Variants in CLSTN1 observed in about 807,000 individuals in gnomAD.
The protein encoded by CLSTN1 is calsyntenin 1.
In CLSTN1, 28 loss-of-function variants were observed where a neutral mutation model predicts 108.3. The observed-to-expected ratio is 0.26, with a 90% confidence interval of 0.19 to 0.35. CLSTN1 has a LOEUF of 0.35. Ranked by LOEUF, CLSTN1 falls within the 10% of genes least tolerant of loss-of-function variation. CLSTN1 has a pLI of 1.00. For synonymous variants in CLSTN1, 524 were observed against 534.9 expected, an observed-to-expected ratio of 0.98 and a Z score of 0.28; for missense variants, 1,157 against 1,302.6, an observed-to-expected ratio of 0.89 and a Z score of 1.72.
At chr1:9,820,072 C>T (rs1381575426) in intron 1 of CLSTN1, among the ~76,000 whole-genome samples, 2 of 151,180 alleles carry the variant, frequency 1.3e-5, no homozygotes, top group African/African-American at 4.9e-5. Context: ...CAAGGTTTCA[C>T]CATGTTGCCC....
rs577595898 is a variant in CLSTN1 at position 9,756,844 on chromosome 1, T to C, written c.215-334A>G. 2.0e-5 allele frequency among the ~76,000 whole-genome samples: 3 copies of C among 152,078 alleles called. No individual in the cohort carries two copies. In the East Asian group the frequency reaches 5.8e-4, roughly 29 times the overall value. ...CACCCAGGCTGGAATGCAGTGGTGC[T>C]ATCTCGGCTCACTGCAAGCTCCGCC... On this transcript the variant is annotated intron_variant, in intron 2 of 18. Coordinates refer to ENST00000377298, the MANE Select transcript of CLSTN1 (RefSeq NM_001009566.3).
At chr1:9,794,454 G>A (rs927386657) in intron 1 of CLSTN1, among the ~76,000 whole-genome samples, 1 of 151,382 alleles carries the variant, frequency 6.6e-6, no homozygotes, top group Non-Finnish European at 1.5e-5. Context: ...GATCACAGGC[G>A]TGCTTCACCA....
At chr1:9,785,522 C>A (rs1653445127) in intron 1 of CLSTN1, among the ~76,000 whole-genome samples, 1 of 152,174 alleles carries the variant, frequency 6.6e-6, no homozygotes, top group African/African-American at 2.4e-5. Context: ...CAATGTTTAG[C>A]TGTGGGGCTG....
chr1:9,812,603 T>C (rs184082584), intron 1 of CLSTN1, among the ~76,000 whole-genome samples: 5 of 152,212 alleles, frequency 3.3e-5, no homozygotes, highest in Admixed American at 6.5e-5. Flanking sequence ...TCCCAGCACT[T>C]TGGGAGGCCG....
At chr1:9,776,518 T>G (rs143229243) in intron 1 of CLSTN1, among the ~76,000 whole-genome samples, 1 of 151,672 alleles carries the variant, frequency 6.6e-6, no homozygotes, top group South Asian at 2.1e-4. Flanking sequence ...TGCTGTAGTT[T>G]ACATTTAAAA....
Position 9,739,631 on chromosome 1 carries a change from C to T in CLSTN1, c.1519+1463G>A, listed in dbSNP as rs190475467. Among the ~76,000 whole-genome samples the T allele has an allele frequency of 2.7e-3, 412 of 152,028 alleles. No homozygotes were observed. The Middle Eastern group carries it at 0.031, about 11-fold the overall frequency. ...GGCTGAGGTGGGAGGATCTCTTGAGCCCAGGAGTTTGAGATCAGCCTGGGC... is the reference window on the plus strand; with the variant it reads ...GGCTGAGGTGGGAGGATCTCTTGAGTCCAGGAGTTTGAGATCAGCCTGGGC... On this transcript the variant is annotated intron_variant, in intron 10 of 18. Transcript: ENST00000377298.
At chr1:9,788,881 A>G (rs1299449511) in intron 1 of CLSTN1, among the ~76,000 whole-genome samples, 1 of 151,154 alleles carries the variant, frequency 6.6e-6, no homozygotes, top group African/African-American at 2.4e-5. Context: ...AAAAAAAAAA[A>G]AAAAAAACAA....
chr1:9,749,540 T>C lies in CLSTN1; in HGVS notation c.906A>G (p.Thr302=). 1.2e-6 allele frequency: 2 copies of C among 1,614,224 alleles called. No homozygotes were observed. Among genetic ancestry groups the C allele is most frequent in the Non-Finnish European group, 8.5e-7 (1 of 1,180,032 alleles). ...CTATGTGGCTGGTTTCTAGCTCCAC[T>C]GTGGCCTGTACTGAGGCGACTGGCT... The part of the protein sequence containing the change: ...CDEPVASVQA[T]VELETSHIGK... The change falls in exon 7 of 19, where the codon ACA becomes ACG. Residue 302 remains threonine (T), a synonymous_variant. Transcript: ENST00000377298.
At chr1:9,736,090 C>T (rs766016437) in intron 11 of CLSTN1, 48 bp from the exon 12 acceptor site, 34 of 1,610,670 alleles carry the variant, frequency 2.1e-5, no homozygotes, top group South Asian at 6.6e-5. Flanking sequence ...AACCCAGCAT[C>T]GCCCAACTCA....
At chr1:9,739,794 G>A (rs4988680) in intron 10 of CLSTN1, among the ~76,000 whole-genome samples, 2,698 of 151,278 alleles carry the variant, frequency 0.018, 77 homozygotes, top group African/African-American at 0.062. Flanking sequence ...TCTGTTGCTC[G>A]GGCTGGAGTG....
At chr1:9,813,008 A>G (rs781142722) in intron 1 of CLSTN1, among the ~76,000 whole-genome samples, 8 of 151,724 alleles carry the variant, frequency 5.3e-5, no homozygotes, top group Non-Finnish European at 1.0e-4. Context: ...TACTAAAAAT[A>G]CAAAAATTAG....
At chr1:9,750,209 G>A (rs1557697697) in intron 5 of CLSTN1, 9 of 212,928 alleles carry the variant, frequency 4.2e-5, no homozygotes, top group South Asian at 2.2e-4. Flanking sequence ...TACATTCAGA[G>A]GATTAAAAAA....
Position 9,748,611 on chromosome 1 carries a change from C to T in CLSTN1, c.985+850G>A, listed in dbSNP as rs552233677. Among the ~76,000 whole-genome samples, 10 of 152,316 alleles carry T rather than the reference C, an allele frequency of 6.6e-5. No homozygotes were observed. The East Asian group carries it at 1.5e-3, about 24-fold the overall frequency. On this transcript the variant is annotated intron_variant, in intron 7 of 18. Coordinates refer to ENST00000377298, the MANE Select transcript of CLSTN1 (RefSeq NM_001009566.3). ...CAAGCGATCCTCCTCCCTCAGCCCC[C>T]CAAGTAGTTGGGACTACAGGCGTGC...
At chr1:9,774,900 A>G (rs1186065153) in intron 1 of CLSTN1, among the ~76,000 whole-genome samples, 1 of 152,154 alleles carries the variant, frequency 6.6e-6, no homozygotes, top group Non-Finnish European at 1.5e-5. Flanking sequence ...GTTTTCCCGG[A>G]AAGATATGGG....
At chr1:9,743,327 G>C (rs969273582) in intron 9 of CLSTN1, among the ~76,000 whole-genome samples, 2 of 152,164 alleles carry the variant, frequency 1.3e-5, no homozygotes, top group African/African-American at 4.8e-5. Flanking sequence ...CCAGCACTTT[G>C]GGCGGCTGAG....
At position 9,768,413 on chromosome 1, in the gene CLSTN1, G is replaced by A. The variant is rs566958192; in HGVS notation, c.214+4859C>T. ...GCGGGATTCTGTGTTGGGCGGCACC[G>A]GGGGGCGGGGTTCTGTGCTGGGCGG... On this transcript the variant is annotated intron_variant, in intron 2 of 18. Transcript: ENST00000377298. 1.6e-3 allele frequency among the ~76,000 whole-genome samples: 83 copies of A among 52,530 alleles called. 2 individuals are homozygous for A. The highest frequency in any genetic ancestry group is 0.018 in the Middle Eastern group (1 of 56). 34.5% of individuals were successfully genotyped at this position (52,530 alleles called of 152,430 possible).
chr1:9,761,579 G>A (rs771513502), intron 2 of CLSTN1, among the ~76,000 whole-genome samples: 23 of 152,134 alleles, frequency 1.5e-4, no homozygotes, highest in Admixed American at 2.0e-4. Flanking sequence ...ACCCAACAAA[G>A]TATGGATTTG....
chr1:9,744,475 G>A lies in CLSTN1; in HGVS notation c.1154C>T (p.Pro385Leu), dbSNP rs780150429. ...TCTCATCCACACCGAGATGGTGAAC[G>A]GCTCTTTGGGGCTGACCGACACGAC... ...DGVVSVSPKE[P>L]FTISVWMRHG... is the part of the protein sequence containing the mutation. Residue 385 changes from proline (P) to leucine (L), a missense_variant, in exon 8 of 19, where the codon CCG becomes CTG. Coordinates refer to ENST00000377298, the MANE Select transcript of CLSTN1 (RefSeq NM_001009566.3). The A allele has an allele frequency of 1.2e-5, 19 of 1,611,320 alleles. No homozygotes were observed. Among genetic ancestry groups the A allele is most frequent in the Admixed American group, 1.2e-4 (7 of 59,964 alleles).
At position 9,730,241 on chromosome 1, in the gene CLSTN1, G is replaced by A. The variant is rs1650276515; in HGVS notation, c.*267C>T. ...GGGAGACTCCAGACACAAACGCGGG[G>A]CCTGAGGCGCTGGGAGGCCCCTGTG... On this transcript the variant is annotated 3_prime_UTR_variant, in exon 19 of 19. Transcript: ENST00000377298. This position sits in a 1 kb window ranked among gnomAD's most constrained non-coding sequence, Gnocchi z 5.6. The A allele has an allele frequency of 1.8e-6, 1 of 552,422 alleles. No individual in the cohort carries two copies. Among genetic ancestry groups the A allele is most frequent in the Non-Finnish European group, 3.3e-6 (1 of 306,360 alleles). The allele number at this position is 552,422 out of a possible 1,614,324, so 34.2% of individuals were successfully genotyped here. A position where few individuals can be genotyped will look rare whatever the true frequency, so the allele number is the denominator to read the frequency against.
Sources: allele counts gnomAD v4.1 joint callset (sites outside exome capture counted in the v4.1 genomes callset), GRCh38; gene constraint gnomAD v4.1.1; non-coding constraint Gnocchi (gnomAD v3.1); transcripts MANE v1.5; gene names NCBI Gene and HGNC (gene_info 2026-07-23, HGNC 2026-07-21).